The following IQGAP1 variants were observed in gnomAD, a reference collection of about 807,000 sequenced individuals.
IQGAP1 encodes the protein IQ motif containing GTPase activating protein 1, also known as ras GTPase-activating-like protein IQGAP1.
IQGAP1 carries 66 observed loss-of-function variants against 215.6 expected under a neutral mutation model. That is an observed-to-expected ratio of 0.31 (90% confidence interval 0.25 to 0.38). IQGAP1 has a LOEUF of 0.38. Ranked by LOEUF, IQGAP1 falls within the 10% of genes least tolerant of loss-of-function variation. IQGAP1 has a pLI of 1.00. For synonymous variants in IQGAP1, 772 were observed against 728.7 expected, an observed-to-expected ratio of 1.06 and a Z score of -0.96; for missense variants, 1,712 against 1,997.1, an observed-to-expected ratio of 0.86 and a Z score of 2.72.
At chr15:90,439,654 T>G (rs1192233015) in intron 6 of IQGAP1, among the ~76,000 whole-genome samples, 2 of 151,530 alleles carry the variant, frequency 1.3e-5, no homozygotes, top group South Asian at 4.1e-4. Flanking sequence ...GGGATAACAT[T>G]AACATATATA....
chr15:90,399,413 G>A (rs1964774710), intron 2 of IQGAP1, among the ~76,000 whole-genome samples: 2 of 152,070 alleles, frequency 1.3e-5, no homozygotes, highest in Admixed American at 1.3e-4. Flanking sequence ...TTCTGTTTTT[G>A]TTATGTGCCT....
chr15:90,433,092 C>G (rs757830989), intron 4 of IQGAP1, among the ~76,000 whole-genome samples: 1 of 152,192 alleles, frequency 6.6e-6, no homozygotes, highest in South Asian at 2.1e-4. Flanking sequence ...CAGATAAACA[C>G]AAATGATCGA....
At chr15:90,409,511 T>A (rs1301430791) in intron 2 of IQGAP1, among the ~76,000 whole-genome samples, 2 of 152,170 alleles carry the variant, frequency 1.3e-5, no homozygotes, top group East Asian at 3.9e-4. Flanking sequence ...GTGCTGGGAT[T>A]ACAGACGTGA....
intron 4 of IQGAP1, among the ~76,000 whole-genome samples, chr15:90,433,518 G>A (rs934825457): frequency 1.3e-5 from 2 of 152,134 alleles, no homozygotes; most frequent in Admixed American, 6.5e-5. Flanking sequence ...CTGTATTATA[G>A]CACTTTATTC....
intron 15 of IQGAP1, among the ~76,000 whole-genome samples, chr15:90,462,090 C>G: frequency 6.6e-6 from 1 of 152,042 alleles, no homozygotes; most frequent in Non-Finnish European, 1.5e-5. Flanking sequence ...ATGGCATGAA[C>G]CCAGGAGGTG....
At chr15:90,414,137 T>G (rs1596254954) in intron 2 of IQGAP1, among the ~76,000 whole-genome samples, 2 of 152,082 alleles carry the variant, frequency 1.3e-5, no homozygotes, top group East Asian at 3.9e-4. Flanking sequence ...CCCTAGTTTT[T>G]CCTCTTCCTT....
At chr15:90,398,256 G>C (rs554183106) in intron 2 of IQGAP1, among the ~76,000 whole-genome samples, 1 of 152,040 alleles carries the variant, frequency 6.6e-6, no homozygotes, top group East Asian at 1.9e-4. Flanking sequence ...AATTTTCTGG[G>C]CACTTTCAAG....
intron 15 of IQGAP1, among the ~76,000 whole-genome samples, chr15:90,460,344 G>A (rs754979021): frequency 6.6e-6 from 1 of 151,966 alleles, no homozygotes; most frequent in East Asian, 1.9e-4. Flanking sequence ...AATATGTCAA[G>A]TTGTCAGAGC....
Position 90,454,551 on chromosome 15 carries a change from G to A in IQGAP1, c.1611G>A (p.Glu537=). The change falls in exon 14 of 38, where the codon GAG becomes GAA. Residue 537 remains glutamate (E), a splice_region_variant and synonymous_variant. Coordinates refer to ENST00000268182, the MANE Select transcript of IQGAP1 (RefSeq NM_003870.4). The stretch of plus-strand genomic sequence containing the variant: ...ACCTGGTGGTGCAAGAGGAACATGA[G>A]AGTGAGTTATCTTCCTGTCCTCCCC... ...HVNLVVQEEH[E]RILAIGLINE... 6.4e-7 allele frequency: 1 copy of A among 1,562,502 alleles called. No homozygotes were observed. Among genetic ancestry groups the A allele is most frequent in the Middle Eastern group, 1.7e-4 (1 of 5,818 alleles).
intron 26 of IQGAP1, among the ~76,000 whole-genome samples, chr15:90,480,964 G>T (rs28691618): frequency 2.0e-5 from 3 of 151,966 alleles, no homozygotes; most frequent in Non-Finnish European, 2.9e-5. Flanking sequence ...CACCACACCC[G>T]GCCTCTACTT....
Position 90,426,153 on chromosome 15 carries a change from G to A in IQGAP1, c.199G>A (p.Glu67Lys), listed in dbSNP as rs1965219080. The part of the protein sequence containing the change: ...CLGEDLPPTT[E>K]LEEGLRNGVY... ...AGGGGAAGATCTGCCTCCCACCACA[G>A]AACTGGAGGAGGGGCTTAGGAATGG... Residue 67 changes from glutamate (E) to lysine (K), a missense_variant, in exon 3 of 38, where the codon GAA becomes AAA. By Grantham distance (56) the Glu-to-Lys change is moderately conservative. This residue lies in a region of IQGAP1 where 1,021 missense variants were observed against 1,074.2 expected (regional missense o/e 0.95). Coordinates refer to ENST00000268182, the MANE Select transcript of IQGAP1 (RefSeq NM_003870.4). The A allele has an allele frequency of 4.4e-6, 7 of 1,605,922 alleles. No homozygotes were observed. In the East Asian group the frequency reaches 1.1e-4, roughly 26 times the overall value.
chr15:90,476,539 C>G, intron 23 of IQGAP1, 124 bp from the exon 24 acceptor site: 1 of 578,736 alleles, frequency 1.7e-6, no homozygotes, highest in East Asian at 3.0e-5. Context: ...TTTAAATATT[C>G]AGTGGGAATC....
chr15:90,407,281 G>A (rs1018821439), intron 2 of IQGAP1, among the ~76,000 whole-genome samples: 9 of 152,174 alleles, frequency 5.9e-5, no homozygotes, highest in African/African-American at 2.2e-4. Context: ...TGGGAATACT[G>A]AGGCTATATA....
intron 35 of IQGAP1, 81 bp downstream of exon 35, chr15:90,492,792 A>G: frequency 8.6e-7 from 1 of 1,159,882 alleles, no homozygotes; most frequent in Non-Finnish European, 1.2e-6. Context: ...GACACTGGAA[A>G]TTTTTACTTA....
At chr15:90,460,400 A>C (rs1048961392) in intron 15 of IQGAP1, among the ~76,000 whole-genome samples, 15 of 151,742 alleles carry the variant, frequency 9.9e-5, no homozygotes, top group Admixed American at 2.0e-4. Context: ...TAAGGTTTTT[A>C]GTTAGTCTCT....
At chr15:90,491,304 T>C (rs1276664398) in intron 33 of IQGAP1, 29 bp from the exon 34 acceptor site, 1 of 1,593,962 alleles carries the variant, frequency 6.3e-7, no homozygotes, top group East Asian at 2.2e-5. Flanking sequence ...GTGGTAAACT[T>C]GCTAAGAACT....
At chr15:90,452,586 A>C (rs780224290) in intron 11 of IQGAP1, among the ~76,000 whole-genome samples, 189 bp from the exon 12 acceptor site, 1 of 152,196 alleles carries the variant, frequency 6.6e-6, no homozygotes, top group Non-Finnish European at 1.5e-5. Flanking sequence ...TGATTGAGAC[A>C]TGGTTCACAT....
chr15:90,467,372 A>G (rs1360440904), intron 17 of IQGAP1, 78 bp from the exon 18 acceptor site: 2 of 1,418,348 alleles, frequency 1.4e-6, no homozygotes, highest in Admixed American at 4.6e-5. Flanking sequence ...GAGACTAACT[A>G]ATAATCCTGC....
chr15:90,496,916 G>A lies in IQGAP1; in HGVS notation c.4752-316G>A, dbSNP rs574574807. On this transcript the variant is annotated intron_variant, in intron 36 of 37. Transcript: ENST00000268182. ...CTTTTATCATTAGGTTTCCTTTTTGGCCATGTGGAAGTGAAGAGAATTCCT... is the reference window on the plus strand; with the variant it reads ...CTTTTATCATTAGGTTTCCTTTTTGACCATGTGGAAGTGAAGAGAATTCCT... 7.6e-5 allele frequency: 14 copies of A among 184,048 alleles called. No homozygotes were observed. The South Asian group carries it at 2.2e-3, about 30-fold the overall frequency. 11.4% of individuals were successfully genotyped at this position (184,048 alleles called of 1,614,324 possible).
Sources: allele counts gnomAD v4.1 joint callset (sites outside exome capture counted in the v4.1 genomes callset), GRCh38; gene constraint gnomAD v4.1.1; regional missense constraint gnomAD v4.1.1; transcripts MANE v1.5; gene names NCBI Gene and HGNC (gene_info 2026-07-23, HGNC 2026-07-21).